SHANK2: variants seen among roughly 807,000 people sequenced by gnomAD.
The protein encoded by SHANK2 is SH3 and multiple ankyrin repeat domains protein 2.
Under a neutral mutation model 133.7 loss-of-function variants are expected in SHANK2, and 43 were observed. The observed-to-expected ratio is 0.32, with a 90% confidence interval of 0.25 to 0.41. The LOEUF is 0.41. Among genes scored for constraint, SHANK2 ranks in the 10% least tolerant of loss-of-function variants. SHANK2 has a pLI of 1.00. For missense variants in SHANK2, 1,994 were observed against 2,235.8 expected (o/e 0.89, Z 2.18); for synonymous variants, 1,017 against 952.8 (o/e 1.07, Z -1.24).
In SHANK2 at chr11:71,225,930, G is replaced by A. The variant is rs116683724; in HGVS notation, c.-112-1134C>T. Among the ~76,000 whole-genome samples the A allele has an allele frequency of 4.2e-3, 640 of 152,256 alleles. 5 individuals are homozygous for A. Among genetic ancestry groups the A allele is most frequent in the African/African-American group, 0.015 (610 of 41,562 alleles). ...CTCAAGGTTAGAAGTTGAGACCAGC[G>A]TGGCCAACATGGCAAAACTCCATCT... On this transcript the variant is annotated intron_variant, in intron 1 of 25. Transcript: ENST00000601538.
chr11:70,900,246 C>T (rs539753438), intron 10 of SHANK2, among the ~76,000 whole-genome samples: 2 of 151,934 alleles, frequency 1.3e-5, no homozygotes, highest in African/African-American at 2.4e-5. Flanking sequence ...CTCAGCTATT[C>T]GGGAAGCTGA....
intron 17 of SHANK2, among the ~76,000 whole-genome samples, chr11:70,532,729 T>A (rs2059490874): frequency 6.6e-6 from 1 of 152,002 alleles, no homozygotes; most frequent in Non-Finnish European, 1.5e-5. Context: ...AACACAGAAT[T>A]ACCCAATGAC....
chr11:70,871,527 C>T (rs1949463521), intron 11 of SHANK2, among the ~76,000 whole-genome samples: 2 of 152,322 alleles, frequency 1.3e-5, no homozygotes, highest in Non-Finnish European at 2.9e-5. Flanking sequence ...CTGTGAGCCC[C>T]TGGAGGGAGA....
intron 17 of SHANK2, among the ~76,000 whole-genome samples, chr11:70,558,247 G>A (rs573605845): frequency 6.6e-5 from 10 of 152,346 alleles, no homozygotes; most frequent in South Asian, 2.1e-4. Flanking sequence ...CGGTAGGAGC[G>A]TCAGGCCATG....
intron 4 of SHANK2, among the ~76,000 whole-genome samples, chr11:71,117,286 C>T (rs1162354749): frequency 6.6e-6 from 1 of 152,200 alleles, no homozygotes; most frequent in African/African-American, 2.4e-5. Flanking sequence ...TCCCAAAGTG[C>T]TGGGATTACA....
In SHANK2 at chr11:70,587,181, G is replaced by A. The variant is rs550581478; in HGVS notation, c.2061+72647C>T. On this transcript the variant is annotated intron_variant, in intron 17 of 25. Coordinates refer to ENST00000601538, the MANE Select transcript of SHANK2 (RefSeq NM_012309.5). ...ACTGCCGTACAGAGTTCCACGGCGA[G>A]CTGGGCCGGGCTTTATGAAAGCAGT... 2.6e-5 allele frequency among the ~76,000 whole-genome samples: 4 copies of A among 152,334 alleles called. No individual in the cohort carries two copies. In the East Asian group the frequency reaches 7.7e-4, roughly 29 times the overall value.
chr11:71,183,980 C>A (rs1361031492), intron 2 of SHANK2, among the ~76,000 whole-genome samples: 15 of 152,202 alleles, frequency 9.9e-5, no homozygotes, highest in Admixed American at 3.9e-4. Flanking sequence ...TACGCTTGTA[C>A]TTCCCCATTT....
chr11:70,954,255 G>A (rs78529583), intron 10 of SHANK2, among the ~76,000 whole-genome samples: 15 of 152,208 alleles, frequency 9.9e-5, no homozygotes, highest in Admixed American at 7.2e-4. Context: ...AGAAGGGTCC[G>A]CTGAGCAGAT....
intron 2 of SHANK2, among the ~76,000 whole-genome samples, chr11:71,199,642 C>T (rs1166352594): frequency 8.5e-5 from 13 of 152,336 alleles, no homozygotes; most frequent in African/African-American, 2.6e-4. Flanking sequence ...TGTGACAAGC[C>T]GGCCACTGCC....
intron 14 of SHANK2, among the ~76,000 whole-genome samples, chr11:70,728,584 A>C (rs782584296): frequency 7.2e-5 from 11 of 152,202 alleles, no homozygotes; most frequent in Non-Finnish European, 1.3e-4. Context: ...CGATGGACAG[A>C]GATAATGGAT....
intron 15 of SHANK2, among the ~76,000 whole-genome samples, chr11:70,684,499 G>A (rs1945101451): frequency 6.6e-6 from 1 of 152,140 alleles, no homozygotes; most frequent in Admixed American, 6.5e-5. Flanking sequence ...ATTCAAGGCT[G>A]CAATGACCTA....
At chr11:71,238,654 G>A (rs1323830450) in intron 1 of SHANK2, among the ~76,000 whole-genome samples, 1 of 152,222 alleles carries the variant, frequency 6.6e-6, no homozygotes, top group African/African-American at 2.4e-5. Context: ...AAATTCTCCA[G>A]GCAGATCACC....
chr11:71,221,576 C>T (rs1954542362), intron 2 of SHANK2, among the ~76,000 whole-genome samples: 1 of 152,210 alleles, frequency 6.6e-6, no homozygotes, highest in African/African-American at 2.4e-5. Context: ...GCAAAGAACA[C>T]CTCAGGAAAA....
At position 70,486,015 on chromosome 11, in the gene SHANK2, G is replaced by A; in HGVS notation, c.4278C>T (p.Asp1426=). 6.2e-7 allele frequency: 1 copy of A among 1,614,104 alleles called. No homozygotes were observed. Among genetic ancestry groups the A allele is most frequent in the Non-Finnish European group, 8.5e-7 (1 of 1,180,030 alleles). Residue 1426 remains aspartate, a synonymous_variant, in exon 25 of 26, where the codon GAC becomes GAT. Coordinates refer to ENST00000601538, the MANE Select transcript of SHANK2 (RefSeq NM_012309.5). The surrounding 1 kb of genome is among the most constrained non-coding windows in gnomAD (Gnocchi z 8.0). ...EFANSFDIPD[D]RAASVPALSD... Reference sequence around the variant, plus strand: ...AGAGAGCCGGGACAGAAGCTGCCCGGTCATCGGGGATATCAAAACTATTTG... The same window carrying A: ...AGAGAGCCGGGACAGAAGCTGCCCGATCATCGGGGATATCAAAACTATTTG...
intron 17 of SHANK2, among the ~76,000 whole-genome samples, chr11:70,578,835 T>A (rs1240997343): frequency 6.6e-6 from 1 of 152,176 alleles, no homozygotes; most frequent in African/African-American, 2.4e-5. Context: ...TTATTCATGA[T>A]GGTTTAGATG....
rs1457751785 is a variant in SHANK2 at position 70,572,278 on chromosome 11, G to C, written c.2062-69347C>G. ...AGGTTCAAGGGATTCTCCTGCCTCA[G>C]CCTCCTGAGTAGCTGGGATTACAGG... On this transcript the variant is annotated intron_variant, in intron 17 of 25. Coordinates refer to ENST00000601538, the MANE Select transcript of SHANK2 (RefSeq NM_012309.5). Among the ~76,000 whole-genome samples, 3 of 152,342 alleles carry C rather than the reference G, an allele frequency of 2.0e-5. No individual in the cohort carries two copies. In the East Asian group the frequency reaches 5.8e-4, roughly 29 times the overall value.
chr11:70,774,595 G>A (rs1947323541), intron 14 of SHANK2, among the ~76,000 whole-genome samples: 1 of 152,156 alleles, frequency 6.6e-6, no homozygotes, highest in African/African-American at 2.4e-5. Context: ...GATTACAGGA[G>A]TGAGCCACCG....
intron 14 of SHANK2, among the ~76,000 whole-genome samples, chr11:70,794,005 G>A (rs1021874637): frequency 3.9e-5 from 6 of 152,162 alleles, no homozygotes; most frequent in Non-Finnish European, 7.3e-5. Flanking sequence ...TGCTGTCTGG[G>A]CATGGTGGAT....
At chr11:70,515,990 G>C (rs1032946869) in intron 17 of SHANK2, among the ~76,000 whole-genome samples, 6 of 151,802 alleles carry the variant, frequency 4.0e-5, no homozygotes, top group African/African-American at 1.5e-4. Flanking sequence ...GTTGTTTTCA[G>C]TGTGTTTGTT....
Sources: gnomAD v4.1 joint callset for allele counts (sites outside exome capture counted in the v4.1 genomes callset) on GRCh38, gnomAD v4.1.1 for gene constraint, Gnocchi (gnomAD v3.1) non-coding constraint, MANE v1.5 for transcripts, NCBI Gene and HGNC (gene_info 2026-07-23, HGNC 2026-07-21) for gene names.